CEP128: variants seen among roughly 807,000 people sequenced by gnomAD.
CEP128 encodes centrosomal protein 128, also known as centrosomal protein 128kDa.
In CEP128, 132 loss-of-function variants were observed where a neutral mutation model predicts 156.7. The observed-to-expected ratio is 0.84, with a 90% confidence interval of 0.73 to 0.97. The LOEUF (loss-of-function observed/expected upper bound fraction) is 0.97, where lower values mean the gene tolerates loss of function less well. CEP128 is among the 50% of genes least tolerant of loss of function. The pLI is 0.00. For missense variants in CEP128, 1,252 were observed against 1,281.9 expected, an observed-to-expected ratio of 0.98 and a Z score of 0.36; for synonymous variants, 469 against 448.9, an observed-to-expected ratio of 1.04 and a Z score of -0.57.
At chr14:80,864,168 A>C (rs954237899) in intron 8 of CEP128, among the ~76,000 whole-genome samples, 1 of 152,208 alleles carries the variant, frequency 6.6e-6, no homozygotes, top group Non-Finnish European at 1.5e-5. Context: ...CTTTATTATA[A>C]GAATACAATA....
chr14:80,670,818 A>C (rs2140928091), intron 19 of CEP128, among the ~76,000 whole-genome samples: 1 of 152,318 alleles, frequency 6.6e-6, no homozygotes, highest in South Asian at 2.1e-4. Context: ...AAATAAAAAT[A>C]AATGTTGAAT....
chr14:80,829,239 T>A (rs8008366), intron 13 of CEP128, among the ~76,000 whole-genome samples: 79,480 of 152,012 alleles, frequency 0.52, 22,326 homozygotes, highest in East Asian at 0.79. Context: ...ATTGTTCAAA[T>A]TAAGAAAATC....
intron 24 of CEP128, among the ~76,000 whole-genome samples, chr14:80,497,983 T>C (rs909006264): frequency 1.3e-5 from 2 of 152,224 alleles, no homozygotes; most frequent in African/African-American, 4.8e-5. Context: ...AAAGTAGACC[T>C]GGAGTTTGTG....
At chr14:80,745,551 C>T (rs1899056288) in intron 18 of CEP128, among the ~76,000 whole-genome samples, 1 of 152,016 alleles carries the variant, frequency 6.6e-6, no homozygotes, top group Non-Finnish European at 1.5e-5. Context: ...TAAAGTCAAA[C>T]ATTCCTTCAT....
intron 13 of CEP128, among the ~76,000 whole-genome samples, chr14:80,827,415 A>T (rs1049659171): frequency 2.0e-5 from 3 of 152,218 alleles, no homozygotes; most frequent in Non-Finnish European, 2.9e-5. Context: ...CCAGAATGCC[A>T]CAACTCTGAA....
At chr14:80,496,196 T>G (rs943511290), downstream of CEP128, among the ~76,000 whole-genome samples, 1 of 152,182 alleles carries the variant, frequency 6.6e-6, no homozygotes, top group African/African-American at 2.4e-5. Flanking sequence ...CCTAGCACAA[T>G]GACTGGCATA....
At chr14:80,933,220 C>T (rs910019129) in intron 2 of CEP128, among the ~76,000 whole-genome samples, 1 of 152,114 alleles carries the variant, frequency 6.6e-6, no homozygotes, top group African/African-American at 2.4e-5. Flanking sequence ...CGTCACTCCG[C>T]CTTTAATTAG....
rs554176882 is a variant in CEP128, at chr14:80,764,424, G to A, written c.2377-2811C>T. 2.8e-4 allele frequency among the ~76,000 whole-genome samples: 43 copies of A among 151,970 alleles called. No individual in the cohort carries two copies. In the East Asian group the frequency reaches 6.8e-3, roughly 24 times the overall value. ...TGAGGCAGGAGAATGGCGTGAACCC[G>A]GGAAGCAGAGCTTGCAGTGAGCCGA... is the stretch of plus-strand genomic sequence containing the variant. On this transcript the variant is annotated intron_variant, in intron 16 of 24. Coordinates refer to ENST00000555265, the MANE Select transcript of CEP128 (RefSeq NM_152446.5).
chr14:80,491,244 G>A (rs1423685063), intron 6 of CEP128, among the ~76,000 whole-genome samples: 5 of 152,108 alleles, frequency 3.3e-5, no homozygotes, highest in African/African-American at 1.2e-4. Context: ...CTCTTTCCAC[G>A]GTACACACTG....
At chr14:80,533,674 C>T (rs1010762405) in intron 21 of CEP128, among the ~76,000 whole-genome samples, 20 of 152,120 alleles carry the variant, frequency 1.3e-4, no homozygotes, top group Non-Finnish European at 2.1e-4. Context: ...CTTGCCATCC[C>T]CCGCTGCCCC....
intron 19 of CEP128, among the ~76,000 whole-genome samples, chr14:80,642,419 C>G (rs10147245): frequency 0.29 from 44,312 of 152,126 alleles, 7,836 homozygotes; most frequent in African/African-American, 0.49. Context: ...TGCTATGGCT[C>G]TCACCTGAAA....
intron 4 of CEP128, among the ~76,000 whole-genome samples, chr14:80,911,478 C>G (rs932644104): frequency 6.6e-6 from 1 of 152,166 alleles, no homozygotes; most frequent in African/African-American, 2.4e-5. Flanking sequence ...TGCACTCCAG[C>G]CTGGATAACA....
intron 19 of CEP128, among the ~76,000 whole-genome samples, chr14:80,620,038 T>C (rs911617847): frequency 2.0e-5 from 3 of 151,330 alleles, no homozygotes; most frequent in African/African-American, 7.3e-5. Context: ...GGAAGAAAAA[T>C]CACTTGAACT....
chr14:80,809,104 C>T (rs1884356608), intron 13 of CEP128, among the ~76,000 whole-genome samples: 1 of 151,826 alleles, frequency 6.6e-6, no homozygotes, highest in African/African-American at 2.4e-5. Flanking sequence ...AAATTACAAA[C>T]AAATAATAGA....
At chr14:80,892,142 C>T (rs932359511) in intron 8 of CEP128, among the ~76,000 whole-genome samples, 75 of 151,432 alleles carry the variant, frequency 5.0e-4, no homozygotes, top group African/African-American at 1.8e-3. Context: ...AGGAATTATA[C>T]TTCCTGATTT....
intron 2 of CEP128, among the ~76,000 whole-genome samples, chr14:80,930,556 C>T (rs1029419763): frequency 6.6e-6 from 1 of 152,174 alleles, no homozygotes; most frequent in Non-Finnish European, 1.5e-5. Context: ...AAAAAAATTA[C>T]CAAGAGTCCT....
intron 21 of CEP128, among the ~76,000 whole-genome samples, chr14:80,535,501 T>A (rs1002599506): frequency 6.6e-6 from 1 of 152,194 alleles, no homozygotes; most frequent in Admixed American, 6.5e-5. Flanking sequence ...GGAAGAAAAG[T>A]TTTAAGATGA....
Position 80,505,005 on chromosome 14 carries a change from G to A in CEP128, c.3088C>T (p.Leu1030=). The change falls in exon 24 of 25, where the codon CTG becomes TTG. Residue 1030 remains leucine (L), a synonymous_variant. Transcript: ENST00000555265. ...AACCCACGAGTGTGGGAACCTTCCA[G>A]AAAGGTTCTGTCACCCTAAGGAAAA... is the stretch of plus-strand genomic sequence containing the variant. ...TKSFKGDRTF[L]EGSHTRGLDH... 6.3e-7 allele frequency: 1 copy of A among 1,593,220 alleles called. No homozygotes were observed.
intron 2 of CEP128, among the ~76,000 whole-genome samples, chr14:80,938,245 ATTTT>A (rs35236692): frequency 1.7e-5 from 2 of 117,004 alleles, no homozygotes; most frequent in African/African-American, 3.3e-5. Flanking sequence ...CAGTGTTAGT[ATTTT>A]TTTTTTTTTT....
Sources: allele counts gnomAD v4.1 joint callset (sites outside exome capture counted in the v4.1 genomes callset), GRCh38; gene constraint gnomAD v4.1.1; transcripts MANE v1.5; gene names NCBI Gene and HGNC (gene_info 2026-07-23, HGNC 2026-07-21).